The following PTPRZ1 variants were observed in gnomAD, a reference collection of about 807,000 sequenced individuals.
The protein encoded by PTPRZ1 is receptor-type tyrosine-protein phosphatase zeta.
PTPRZ1 carries 82 observed loss-of-function variants against 214.1 expected under a neutral mutation model. The ratio of observed to expected loss-of-function variants is 0.38; its 90% CI spans 0.32 to 0.46. PTPRZ1 has a LOEUF of 0.46. Among genes scored for constraint, PTPRZ1 ranks in the 20% least tolerant of loss-of-function variants. The pLI, the probability that PTPRZ1 is intolerant of heterozygous loss-of-function variation, is 1.00. For missense variants in PTPRZ1, 2,603 were observed against 2,748.7 expected, an observed-to-expected ratio of 0.95 and a Z score of 1.19; for synonymous variants, 945 against 987.9, an observed-to-expected ratio of 0.96 and a Z score of 0.81.
intron 12 of PTPRZ1, 58 bp downstream of exon 12, chr7:122,013,947 A>G: frequency 7.3e-7 from 1 of 1,369,278 alleles, no homozygotes; most frequent in South Asian, 1.8e-5. Flanking sequence ...CTCTAAAAGT[A>G]AAATGAAAAT....
chr7:121,895,569 TTA>T (rs1794762182), intron 1 of PTPRZ1, among the ~76,000 whole-genome samples: 1 of 152,172 alleles, frequency 6.6e-6, no homozygotes, highest in South Asian at 2.1e-4. Flanking sequence ...TTGTAAAGGC[TTA>T]GTTTATAAAT....
intron 2 of PTPRZ1, among the ~76,000 whole-genome samples, chr7:121,933,834 T>A (rs1795996930): frequency 6.6e-6 from 1 of 152,198 alleles, no homozygotes; most frequent in Non-Finnish European, 1.5e-5. Flanking sequence ...AATGACGGAT[T>A]TTTGGCCTTT....
At chr7:122,058,430 T>A (rs1290727874) in intron 27 of PTPRZ1, among the ~76,000 whole-genome samples, 1 of 152,110 alleles carries the variant, frequency 6.6e-6, no homozygotes, top group Admixed American at 6.6e-5. Flanking sequence ...AGAAAGTGTA[T>A]GCTATTTTCA....
chr7:121,972,406 A>G, intron 3 of PTPRZ1, 135 bp from the exon 4 acceptor site: 1 of 922,542 alleles, frequency 1.1e-6, no homozygotes, highest in Non-Finnish European at 1.6e-6. Context: ...TTGGCTTCCA[A>G]AATGGCGACT....
chr7:121,972,472 T>A (rs544916768), intron 3 of PTPRZ1, 69 bp from the exon 4 acceptor site: 2 of 1,413,002 alleles, frequency 1.4e-6, no homozygotes, highest in Admixed American at 2.3e-5. Flanking sequence ...CTTAAGTAGA[T>A]GGAAATTTAG....
rs1361472877 is a variant in PTPRZ1, at chr7:122,013,483, G to A, written c.4437G>A (p.Glu1479=). 2.5e-6 allele frequency: 4 copies of A among 1,614,104 alleles called. No individual in the cohort carries two copies. The highest frequency in any genetic ancestry group is 3.4e-6 in the Non-Finnish European group (4 of 1,180,034). ...ATCCAATCTCATACTCACTATCTGA[G>A]AATTCTGAAGAAGATAATAGAGTCA... ...QNNPISYSLS[E]NSEEDNRVTS... The change falls in exon 12 of 30, where the codon GAG becomes GAA. Residue 1479 remains glutamate (E), a synonymous_variant. Transcript: ENST00000393386.
At chr7:121,948,460 A>T (rs1233213407) in intron 2 of PTPRZ1, among the ~76,000 whole-genome samples, 1 of 152,182 alleles carries the variant, frequency 6.6e-6, no homozygotes, top group Non-Finnish European at 1.5e-5. Context: ...TATTTTAGAA[A>T]TATAAATAAA....
At chr7:121,966,243 C>T (rs1206731519) in intron 2 of PTPRZ1, among the ~76,000 whole-genome samples, 2 of 152,054 alleles carry the variant, frequency 1.3e-5, no homozygotes, top group Non-Finnish European at 1.5e-5. Context: ...TCACAAAATG[C>T]GATGGAAAAT....
chr7:122,040,458 A>C (rs1007120933), intron 20 of PTPRZ1, among the ~76,000 whole-genome samples: 3 of 152,176 alleles, frequency 2.0e-5, no homozygotes, highest in Non-Finnish European at 2.9e-5. Context: ...CTTTGTTCTT[A>C]CAGCCTTCAA....
chr7:122,039,415 T>A (rs755468528), intron 19 of PTPRZ1, 39 bp from the exon 20 acceptor site: 1 of 1,602,416 alleles, frequency 6.2e-7, no homozygotes, highest in South Asian at 1.1e-5. Context: ...ACATGGAGCA[T>A]TTGAAATACA....
At chr7:122,050,335 C>T (rs1044170529) in intron 23 of PTPRZ1, among the ~76,000 whole-genome samples, 1 of 139,754 alleles carries the variant, frequency 7.2e-6, no homozygotes, top group Non-Finnish European at 1.5e-5. Flanking sequence ...GCCAGCCACT[C>T]GGGAGGCTGA....
At chr7:121,913,019 T>A (rs1393595185) in intron 1 of PTPRZ1, among the ~76,000 whole-genome samples, 1 of 152,204 alleles carries the variant, frequency 6.6e-6, no homozygotes, top group Non-Finnish European at 1.5e-5. Context: ...AGGTTAGGTG[T>A]TGAATATGCA....
rs540157894 is a variant in PTPRZ1, at chr7:121,958,549, T to G, written c.125-9402T>G. Among the ~76,000 whole-genome samples the G allele has an allele frequency of 2.6e-5, 4 of 152,346 alleles. No homozygotes were observed. The South Asian group carries it at 8.3e-4, about 32-fold the overall frequency. ...ACCCATATCTGTGGTTATAAATGTA[T>G]GCTATCTGTACACTGATGTTCCCCA... On this transcript the variant is annotated intron_variant, in intron 2 of 29. Coordinates refer to ENST00000393386, the MANE Select transcript of PTPRZ1 (RefSeq NM_002851.3).
chr7:121,962,117 A>T (rs1159361033), intron 2 of PTPRZ1, among the ~76,000 whole-genome samples: 2 of 152,188 alleles, frequency 1.3e-5, no homozygotes, highest in African/African-American at 4.8e-5. Flanking sequence ...TGATGTCTCC[A>T]GTTGCCACAT....
intron 3 of PTPRZ1, among the ~76,000 whole-genome samples, chr7:121,971,918 A>C (rs965015440): frequency 2.6e-5 from 4 of 152,178 alleles, no homozygotes; most frequent in South Asian, 2.1e-4. Flanking sequence ...ATATAGTCAG[A>C]TAATATCTGC....
intron 12 of PTPRZ1, among the ~76,000 whole-genome samples, chr7:122,016,227 T>A (rs2116674487): frequency 6.6e-6 from 1 of 152,154 alleles, no homozygotes; most frequent in South Asian, 2.1e-4. Flanking sequence ...TAGGGGCCAA[T>A]TAAATAAATG....
intron 1 of PTPRZ1, among the ~76,000 whole-genome samples, chr7:121,889,116 AT>A (rs1049731073): frequency 8.0e-6 from 1 of 124,328 alleles, no homozygotes; most frequent in African/African-American, 3.3e-5. Flanking sequence ...AAAAGGCTTT[AT>A]TTTTTAAAAA....
At chr7:121,984,779 G>A (rs1176844623) in intron 8 of PTPRZ1, among the ~76,000 whole-genome samples, 1 of 151,696 alleles carries the variant, frequency 6.6e-6, no homozygotes, top group African/African-American at 2.4e-5. Flanking sequence ...TCTCTAGAAT[G>A]CCGTCTGTTT....
chr7:121,995,325 C>T (rs1162810600), intron 8 of PTPRZ1, among the ~76,000 whole-genome samples: 1 of 152,130 alleles, frequency 6.6e-6, no homozygotes, highest in Non-Finnish European at 1.5e-5. Context: ...CAGGTGTCAC[C>T]TGAAAACAAG....
Sources: allele counts gnomAD v4.1 joint callset (sites outside exome capture counted in the v4.1 genomes callset), GRCh38; gene constraint gnomAD v4.1.1; transcripts MANE v1.5; gene names NCBI Gene and HGNC (gene_info 2026-07-23, HGNC 2026-07-21).